The following ARHGAP15 variants were observed in gnomAD, a reference collection of about 807,000 sequenced individuals.
ARHGAP15 encodes the protein Rho GTPase activating protein 15.
Under a neutral mutation model 63.7 loss-of-function variants are expected in ARHGAP15, and 51 were observed. The observed-to-expected ratio is 0.80, with a 90% CI of 0.64 to 1.01. The LOEUF (loss-of-function observed/expected upper bound fraction) is 1.01, where lower values mean the gene tolerates loss of function less well. Ranked by LOEUF, ARHGAP15 falls within the 50% of genes least tolerant of loss-of-function variation. The pLI is 0.00. For missense variants in ARHGAP15, 560 were observed against 564.6 expected, an observed-to-expected ratio of 0.99 and a Z score of 0.08; for synonymous variants, 191 against 193.8, an observed-to-expected ratio of 0.99 and a Z score of 0.12.
intron 10 of ARHGAP15, among the ~76,000 whole-genome samples, chr2:143,542,694 C>CACATATATAATATATATGATATATATAAT (rs1695134536): frequency 7.4e-6 from 1 of 134,502 alleles, no homozygotes; most frequent in African/African-American, 2.8e-5. Context: ...TATATAGTAT[C>CACATATATAATATATATGATATATATAAT]ACATATATAA....
chr2:143,309,903 CATG>C (rs1026776268), intron 6 of ARHGAP15, among the ~76,000 whole-genome samples: 41 of 150,496 alleles, frequency 2.7e-4, no homozygotes, highest in African/African-American at 8.9e-4. Context: ...TGTATACACA[CATG>C]ATGATGATAG....
At chr2:143,402,577 A>AG (rs1688027881) in intron 6 of ARHGAP15, among the ~76,000 whole-genome samples, 1 of 6,490 alleles carries the variant, frequency 1.5e-4, no homozygotes. Context: ...TCTAAATTGG[A>AG]AGGGGGGGTG....
chr2:143,481,780 A>G (rs1310021696), intron 8 of ARHGAP15, among the ~76,000 whole-genome samples: 1 of 152,196 alleles, frequency 6.6e-6, no homozygotes, highest in Admixed American at 6.5e-5. Context: ...GCTAATGCCT[A>G]TTCTCATATG....
rs557184663 is a variant in ARHGAP15, at chr2:143,414,489, A to G, written c.475-21112A>G. Among the ~76,000 whole-genome samples the G allele has an allele frequency of 4.6e-5, 7 of 152,294 alleles. No individual in the cohort carries two copies. In the East Asian group the frequency reaches 1.3e-3, roughly 29 times the overall value. On this transcript the variant is annotated intron_variant, in intron 6 of 13. Transcript: ENST00000295095. The stretch of plus-strand genomic sequence containing the variant: ...AAATTTAAGCCTAGAAAATTAACTC[A>G]AGAAATTGAAATTTTCTCAATAGAA...
chr2:143,461,610 T>C (rs1261512276), intron 8 of ARHGAP15, among the ~76,000 whole-genome samples: 1 of 152,198 alleles, frequency 6.6e-6, no homozygotes, highest in African/African-American at 2.4e-5. Context: ...AATCGATCTA[T>C]AAGTGTAAGA....
chr2:143,738,848 G>A (rs755716429), intron 13 of ARHGAP15, among the ~76,000 whole-genome samples: 20 of 152,114 alleles, frequency 1.3e-4, no homozygotes, highest in Non-Finnish European at 1.8e-4. Context: ...AAGACACTCT[G>A]GTTGGTCCCA....
chr2:143,379,487 ATGTGTGTGTGTGTGTGTGTGTG>A (rs58976215), intron 6 of ARHGAP15, among the ~76,000 whole-genome samples: 78 of 129,844 alleles, frequency 6.0e-4, no homozygotes, highest in African/African-American at 2.2e-3. Context: ...AGGCATATAT[ATGTGTGTGTGTGTGTGTGTGTG>A]TGTGTGTGTG....
chr2:143,328,573 A>G (rs745652239), intron 6 of ARHGAP15, among the ~76,000 whole-genome samples: 3 of 152,078 alleles, frequency 2.0e-5, no homozygotes, highest in Non-Finnish European at 4.4e-5. Flanking sequence ...ATCACACACC[A>G]GAGCCTGTCA....
chr2:143,763,859 T>C (rs1373122780), intron 13 of ARHGAP15, among the ~76,000 whole-genome samples: 1 of 150,020 alleles, frequency 6.7e-6, no homozygotes, highest in Non-Finnish European at 1.5e-5. Flanking sequence ...ATAAGCCAGA[T>C]AGCCTGTGTT....
intron 12 of ARHGAP15, among the ~76,000 whole-genome samples, chr2:143,663,692 A>G (rs1574799708): frequency 6.6e-6 from 1 of 152,082 alleles, no homozygotes; most frequent in African/African-American, 2.4e-5. Flanking sequence ...AGAGACACAT[A>G]TAGGCTCAAA....
chr2:143,288,427 T>A (rs1682221550), intron 6 of ARHGAP15, among the ~76,000 whole-genome samples: 1 of 152,108 alleles, frequency 6.6e-6, no homozygotes, highest in South Asian at 2.1e-4. Context: ...ATTCTTGAGA[T>A]TTACTTGATT....
intron 11 of ARHGAP15, among the ~76,000 whole-genome samples, chr2:143,612,821 T>G (rs1698308129): frequency 6.6e-6 from 1 of 152,368 alleles, no homozygotes; most frequent in African/African-American, 2.4e-5. Flanking sequence ...TCTCTGGAGC[T>G]GCTTTTCCAT....
At chr2:143,654,228 T>C (rs1559105166) in intron 12 of ARHGAP15, among the ~76,000 whole-genome samples, 1 of 152,150 alleles carries the variant, frequency 6.6e-6, no homozygotes, top group Non-Finnish European at 1.5e-5. Context: ...TGGAGTGTGG[T>C]GCCATTAAGT....
chr2:143,596,696 A>G (rs1312539882), intron 11 of ARHGAP15, among the ~76,000 whole-genome samples: 2 of 152,114 alleles, frequency 1.3e-5, no homozygotes, highest in African/African-American at 4.8e-5. Context: ...TGTATTTAAA[A>G]CCACTAAGTC....
intron 12 of ARHGAP15, among the ~76,000 whole-genome samples, chr2:143,680,067 T>C (rs1407633192): frequency 7.2e-6 from 1 of 138,778 alleles, no homozygotes; most frequent in South Asian, 2.2e-4. Context: ...AAAATGGTAG[T>C]GTTTAAAGAC....
intron 9 of ARHGAP15, among the ~76,000 whole-genome samples, chr2:143,499,011 A>G (rs1274503586): frequency 2.6e-5 from 4 of 152,156 alleles, no homozygotes; most frequent in Non-Finnish European, 5.9e-5. Flanking sequence ...TATTCTCATT[A>G]AAAAATATTA....
intron 5 of ARHGAP15, chr2:143,237,421 ACCT>A (rs1693697178): frequency 6.6e-6 from 1 of 152,146 alleles, no homozygotes; most frequent in Non-Finnish European, 1.5e-5. Context: ...TATGTCTCTG[ACCT>A]CCAACAGTAT....
chr2:143,237,149 T>A (rs186929238), intron 5 of ARHGAP15: 1 of 152,272 alleles, frequency 6.6e-6, no homozygotes, highest in African/African-American at 2.4e-5. Flanking sequence ...GAGACATGTT[T>A]AGGGAACTGA....
In ARHGAP15 at chr2:143,192,334, T is replaced by C. The variant is rs116931664; in HGVS notation, c.166-9800T>C. Among the ~76,000 whole-genome samples, 4 of 152,300 alleles carry C rather than the reference T, an allele frequency of 2.6e-5. No individual in the cohort carries two copies. In the East Asian group the frequency reaches 7.7e-4, roughly 29 times the overall value. ...TAACTAACTGACTCAACAGAGCATA[T>C]TCAGAGAGAAAGATCATGCCTACAC... is the stretch of plus-strand genomic sequence containing the variant. On this transcript the variant is annotated intron_variant, in intron 2 of 13. Transcript: ENST00000295095.
Sources: gnomAD v4.1 joint callset for allele counts (sites outside exome capture counted in the v4.1 genomes callset) on GRCh38, gnomAD v4.1.1 for gene constraint, MANE v1.5 for transcripts, NCBI Gene and HGNC (gene_info 2026-07-23, HGNC 2026-07-21) for gene names.